Variants in AUTS2 observed in about 807,000 individuals in gnomAD.
AUTS2 encodes autism susceptibility gene 2 protein.
In AUTS2, 17 loss-of-function variants were observed where a neutral mutation model predicts 112.4. The ratio of observed to expected loss-of-function variants is 0.15; its 90% CI spans 0.10 to 0.23. The LOEUF is 0.23. AUTS2 is among the 10% of genes least tolerant of loss of function. AUTS2 has a pLI of 1.00. For synonymous variants in AUTS2, 751 were observed against 702.7 expected, an observed-to-expected ratio of 1.07 and a Z score of -1.09; for missense variants, 1,510 against 1,701.6, an observed-to-expected ratio of 0.89 and a Z score of 1.98.
At chr7:70,179,850 A>C (rs898374669) in intron 4 of AUTS2, among the ~76,000 whole-genome samples, 1 of 152,128 alleles carries the variant, frequency 6.6e-6, no homozygotes, top group African/African-American at 2.4e-5. Flanking sequence ...GTGGTATTTT[A>C]TCTCCTACTC....
At chr7:69,645,645 G>GT (rs908321051) in intron 1 of AUTS2, among the ~76,000 whole-genome samples, 1 of 152,172 alleles carries the variant, frequency 6.6e-6, no homozygotes, top group Non-Finnish European at 1.5e-5. Flanking sequence ...TTGTGATGCT[G>GT]TATCTGCTTT....
chr7:69,922,548 C>A (rs1175329290), intron 2 of AUTS2, among the ~76,000 whole-genome samples: 2 of 152,176 alleles, frequency 1.3e-5, no homozygotes, highest in African/African-American at 4.8e-5. Context: ...CATTTTCATG[C>A]TCTTAAGTGA....
intron 1 of AUTS2, among the ~76,000 whole-genome samples, chr7:69,804,855 C>T (rs1340832833): frequency 1.3e-5 from 2 of 152,210 alleles, no homozygotes; most frequent in Non-Finnish European, 2.9e-5. Flanking sequence ...ATTTCCAAGG[C>T]TCTACCATGA....
In AUTS2 at chr7:70,791,669, G is replaced by C. The variant is rs1207743189; in HGVS notation, c.*673G>C. The stretch of plus-strand genomic sequence containing the variant: ...AGGAGCCTTTTCAAATCCATTTACA[G>C]CATACTTAAGGTCATATTTTCCCTG... On this transcript the variant is annotated 3_prime_UTR_variant, in exon 19 of 19. Transcript: ENST00000342771. 6.6e-6 allele frequency: 1 copy of C among 152,508 alleles called. No homozygotes were observed. The highest frequency in any genetic ancestry group is 6.5e-5 in the Admixed American group (1 of 15,274). 9.4% of individuals were successfully genotyped at this position (152,508 alleles called of 1,614,324 possible). A position where few individuals can be genotyped will look rare whatever the true frequency, so the allele number is the denominator to read the frequency against.
chr7:70,374,862 C>T (rs1009128463), intron 4 of AUTS2, among the ~76,000 whole-genome samples: 4 of 152,028 alleles, frequency 2.6e-5, no homozygotes, highest in African/African-American at 7.3e-5. Flanking sequence ...GCACACAGAC[C>T]GTAAGTAGAT....
At position 70,053,544 on chromosome 7, in the gene AUTS2, G is replaced by GT. The variant is rs200867539; in HGVS notation, c.523-64576dup. Among the ~76,000 whole-genome samples the GT allele has an allele frequency of 2.3e-3, 300 of 127,720 alleles. 12 individuals are homozygous for GT. The highest frequency in any genetic ancestry group is 0.017 in the Middle Eastern group (4 of 238). 83.8% of individuals were successfully genotyped at this position (127,720 alleles called of 152,430 possible). On this transcript the variant is annotated intron_variant, in intron 2 of 18. Transcript: ENST00000342771. Reference sequence around the variant, plus strand: ...ATTGTGGCAACCACTGTTTTGGGTGGTTTTTTTTTTTTGGAGACAGGATCT... The same window carrying GT: ...ATTGTGGCAACCACTGTTTTGGGTGGTTTTTTTTTTTTTGGAGACAGGATCT...
chr7:70,208,474 T>C (rs1260449618), intron 4 of AUTS2, among the ~76,000 whole-genome samples: 7 of 152,154 alleles, frequency 4.6e-5, no homozygotes, highest in Non-Finnish European at 8.8e-5. Context: ...CCTTTGTGTG[T>C]TGTGGGCAAA....
At chr7:69,825,293 A>G (rs181028670) in intron 1 of AUTS2, among the ~76,000 whole-genome samples, 71 of 152,264 alleles carry the variant, frequency 4.7e-4, no homozygotes, top group African/African-American at 1.7e-3. Flanking sequence ...TCACTGGCAG[A>G]GCTTTTAAGA....
chr7:70,350,294 G>A (rs1412065608), intron 4 of AUTS2, among the ~76,000 whole-genome samples: 1 of 152,048 alleles, frequency 6.6e-6, no homozygotes, highest in Non-Finnish European at 1.5e-5. Flanking sequence ...GTGAAATAGC[G>A]ATAATTTGAT....
intron 5 of AUTS2, among the ~76,000 whole-genome samples, chr7:70,663,282 C>T (rs568370414): frequency 1.3e-5 from 2 of 152,318 alleles, no homozygotes; most frequent in East Asian, 3.9e-4. Flanking sequence ...GTAATCCCAG[C>T]TACTTGGAAG....
chr7:69,881,679 C>T (rs970170991), intron 1 of AUTS2, among the ~76,000 whole-genome samples: 2 of 152,094 alleles, frequency 1.3e-5, no homozygotes, highest in Admixed American at 6.6e-5. Flanking sequence ...CCTAAAGTTT[C>T]CATCTTTCCA....
chr7:69,765,233 T>G (rs565444602), intron 1 of AUTS2, among the ~76,000 whole-genome samples: 1 of 152,344 alleles, frequency 6.6e-6, no homozygotes, highest in South Asian at 2.1e-4. Context: ...TCTACTTAAC[T>G]GTACTAAATT....
intron 2 of AUTS2, among the ~76,000 whole-genome samples, chr7:69,937,336 C>T (rs866473783): frequency 2.2e-4 from 33 of 152,272 alleles, no homozygotes; most frequent in African/African-American, 7.2e-4. Context: ...AAGCCTTTTC[C>T]TGCCGTCGGA....
At chr7:70,376,089 C>T (rs1477109546) in intron 4 of AUTS2, among the ~76,000 whole-genome samples, 3 of 151,558 alleles carry the variant, frequency 2.0e-5, no homozygotes, top group Non-Finnish European at 4.4e-5. Flanking sequence ...GCTTTCTTCC[C>T]AGATGGCCAA....
intron 1 of AUTS2, among the ~76,000 whole-genome samples, chr7:69,602,558 T>C (rs1362078560): frequency 6.6e-6 from 1 of 152,190 alleles, no homozygotes; most frequent in African/African-American, 2.4e-5. Context: ...CTCCCACATA[T>C]GATCTCATCC....
chr7:70,024,130 C>T (rs1305802202), intron 2 of AUTS2, among the ~76,000 whole-genome samples: 1 of 152,140 alleles, frequency 6.6e-6, no homozygotes, highest in Admixed American at 6.5e-5. Context: ...GCTTCTTGTT[C>T]CCCCATTCCC....
intron 4 of AUTS2, among the ~76,000 whole-genome samples, chr7:70,170,977 A>G (rs1808652908): frequency 6.6e-6 from 1 of 152,122 alleles, no homozygotes; most frequent in Admixed American, 6.5e-5. Flanking sequence ...TGACTGGGGG[A>G]AAAGTAAAAA....
intron 4 of AUTS2, among the ~76,000 whole-genome samples, chr7:70,145,372 T>C (rs903330453): frequency 5.9e-5 from 9 of 152,140 alleles, no homozygotes; most frequent in Admixed American, 1.3e-4. Context: ...ATTGTTCTGT[T>C]ACACAATGGC....
intron 5 of AUTS2, among the ~76,000 whole-genome samples, chr7:70,489,067 C>T (rs1446846217): frequency 2.0e-5 from 3 of 152,138 alleles, no homozygotes; most frequent in Non-Finnish European, 1.5e-5. Context: ...ATTGATCCCA[C>T]CTACTTTGAA....
Sources: gnomAD v4.1 joint callset for allele counts (sites outside exome capture counted in the v4.1 genomes callset) on GRCh38, gnomAD v4.1.1 for gene constraint, MANE v1.5 for transcripts, NCBI Gene and HGNC (gene_info 2026-07-23, HGNC 2026-07-21) for gene names.